MRC1: variants seen among roughly 807,000 people sequenced by gnomAD.
The protein encoded by MRC1 is macrophage mannose receptor 1.
A neutral mutation model predicts 102.9 loss-of-function variants in MRC1; 62 were observed. That is an observed-to-expected ratio of 0.60 (90% CI 0.49 to 0.74). MRC1 has a LOEUF of 0.74. Ranked by LOEUF, MRC1 falls within the 30% of genes least tolerant of loss-of-function variation. MRC1 has a pLI of 0.00. For missense variants in MRC1, 1,237 were observed against 862.8 expected, an observed-to-expected ratio of 1.43 and a Z score of -5.43; for synonymous variants, 457 against 298.4, an observed-to-expected ratio of 1.53 and a Z score of -5.48.
chr10:17,853,529 C>A (rs1589178949), intron 8 of MRC1, among the ~76,000 whole-genome samples: 2 of 149,184 alleles, frequency 1.3e-5, no homozygotes, highest in African/African-American at 2.5e-5. Context: ...TTATTATAAG[C>A]CATATATATG....
chr10:17,859,565 G>A (rs1564618657), intron 9 of MRC1, among the ~76,000 whole-genome samples: 2 of 152,176 alleles, frequency 1.3e-5, no homozygotes, highest in East Asian at 3.9e-4. Flanking sequence ...TGACCCACCT[G>A]CTTCGTCCTT....
In MRC1 at chr10:17,901,031, A is replaced by G. The variant is rs1833822647; in HGVS notation, c.3649+78A>G. 10 of 733,164 alleles carry G rather than the reference A, an allele frequency of 1.4e-5. No individual in the cohort carries two copies. In the South Asian group the frequency reaches 1.6e-4, roughly 11 times the overall value. The allele number at this position is 733,164 out of a possible 1,614,324, so 45.4% of individuals were successfully genotyped here. A position where few individuals can be genotyped will look rare whatever the true frequency, so the allele number is the denominator to read the frequency against. ...ACTACATACCACTGTTGATATTATT[A>G]AACAGTAATGTGTCTTGGATAGCTA... is the stretch of plus-strand genomic sequence containing the variant. On this transcript the variant is annotated intron_variant, in intron 25 of 29. Transcript: ENST00000569591.
Position 17,870,379 on chromosome 10 carries a change from T to G in MRC1, c.2111+6T>G, listed in dbSNP as rs1478844896. The G allele has an allele frequency of 5.1e-6, 4 of 780,100 alleles. No individual in the cohort carries two copies. Among genetic ancestry groups the G allele is most frequent in the Non-Finnish European group, 9.6e-6 (4 of 417,588 alleles). The allele number at this position is 780,100 out of a possible 1,614,324, so 48.3% of individuals were successfully genotyped here. ...ACAATATGGCGATTAATAACGTAAG[T>G]GGTATTTTTATGGATTCCTCCTTTT... On this transcript the variant is annotated splice_donor_region_variant and intron_variant, in intron 13 of 29. Coordinates refer to ENST00000569591, the MANE Select transcript of MRC1 (RefSeq NM_002438.4).
chr10:17,908,416 A>T (rs1833924770), intron 28 of MRC1, among the ~76,000 whole-genome samples: 2 of 151,946 alleles, frequency 1.3e-5, no homozygotes, highest in Admixed American at 6.6e-5. Context: ...CTGGGATTAC[A>T]GGAGCATGCC....
chr10:17,819,453 A>ATGTGTG (rs59778334), intron 1 of MRC1, among the ~76,000 whole-genome samples: 3,147 of 145,728 alleles, frequency 0.022, 100 homozygotes, highest in African/African-American at 0.075. Flanking sequence ...TCAGAGTTGT[A>ATGTGTG]TGTGTGTGTG....
At chr10:17,865,051 TA>T (rs1248043708) in intron 11 of MRC1, among the ~76,000 whole-genome samples, 1 of 152,188 alleles carries the variant, frequency 6.6e-6, no homozygotes, top group Non-Finnish European at 1.5e-5. Flanking sequence ...TTTGACTTTT[TA>T]TACAGTGATA....
chr10:17,902,006 G>A lies in MRC1; in HGVS notation c.3683G>A (p.Gly1228Asp), dbSNP rs1221789090. The change falls in exon 26 of 30, where the codon GGC becomes GAC. Residue 1228 changes from glycine to aspartate, a missense_variant. Physicochemically the swap from Gly to Asp is moderately conservative, Grantham distance 94 (BLOSUM62 -1). Coordinates refer to ENST00000569591, the MANE Select transcript of MRC1 (RefSeq NM_002438.4). The part of the protein sequence containing the change: ...IPATEPPQLP[G>D]RCPESDHTAW... ...GCTACTGAACCCCCACAACTGCCTG[G>A]CAGATGCCCGGAGTCAGATCACACA... The A allele has an allele frequency of 3.8e-6, 3 of 780,618 alleles. No individual in the cohort carries two copies. The highest frequency in any genetic ancestry group is 3.4e-5 in the African/African-American group (2 of 59,094). The allele number at this position is 780,618 out of a possible 1,614,324, so 48.4% of individuals were successfully genotyped here.
rs1000330271 is a variant in MRC1 at position 17,891,511 on chromosome 10, A to C, written c.3148-2699A>C. On this transcript the variant is annotated intron_variant, in intron 22 of 29. Transcript: ENST00000569591. ...TACAGTGTAATAATAACAGCAGTAAAGTGCATAATAAGCGTAATGCGTTTG... is the reference window on the plus strand; with the variant it reads ...TACAGTGTAATAATAACAGCAGTAACGTGCATAATAAGCGTAATGCGTTTG... Among the ~76,000 whole-genome samples, 35 of 152,294 alleles carry C rather than the reference A, an allele frequency of 2.3e-4. 1 individual carries two copies. Among genetic ancestry groups the C allele is most frequent in the East Asian group, 1.2e-3 (6 of 5,170 alleles).
intron 1 of MRC1, among the ~76,000 whole-genome samples, chr10:17,816,811 G>T (rs1382378861): frequency 6.6e-6 from 1 of 152,040 alleles, no homozygotes; most frequent in Non-Finnish European, 1.5e-5. Flanking sequence ...TGATAGTCAG[G>T]AAAATCTAAA....
chr10:17,843,278 G>A (rs1047428950), intron 5 of MRC1, among the ~76,000 whole-genome samples: 33 of 152,248 alleles, frequency 2.2e-4, no homozygotes, highest in African/African-American at 6.7e-4. Context: ...TGTTAGTTCA[G>A]TTATCCTGTT....
At chr10:17,838,420 G>C (rs1223676286) in intron 4 of MRC1, among the ~76,000 whole-genome samples, 3 of 152,072 alleles carry the variant, frequency 2.0e-5, no homozygotes, top group Non-Finnish European at 4.4e-5. Flanking sequence ...TCCTGAATCA[G>C]ATTTGTGGCT....
At chr10:17,894,380 TTCTTTCTTTCTTTC>T in intron 23 of MRC1, 68 bp downstream of exon 23, 1 of 724,426 alleles carries the variant, frequency 1.4e-6, no homozygotes, top group East Asian at 2.6e-5. Context: ...TTTTCTTTCT[TTCTTTCTTTCTTTC>T]TTTTTTTTTT....
In MRC1 at chr10:17,849,674, G is replaced by T. The variant is rs781920426; in HGVS notation, c.1159G>T (p.Ala387Ser). ...HRDEKKIQRDALTTCRKEGGD... is the reference protein window; with the variant it reads ...HRDEKKIQRDSLTTCRKEGGD... ...AGATGAGAAAAAAATCCAGAGGGAT[G>T]CTCTGACCACCTGCAGGAAGGAAGG... The change falls in exon 7 of 30, where the codon GCT becomes TCT. Residue 387 changes from alanine to serine, a missense_variant. Ala to Ser is a moderately conservative substitution (Grantham distance 99). Coordinates refer to ENST00000569591, the MANE Select transcript of MRC1 (RefSeq NM_002438.4). 4 of 780,884 alleles carry T rather than the reference G, an allele frequency of 5.1e-6. No individual in the cohort carries two copies. The East Asian group carries it at 9.7e-5, about 19-fold the overall frequency. 48.4% of individuals were successfully genotyped at this position (780,884 alleles called of 1,614,324 possible).
In MRC1 at chr10:17,829,472, T is replaced by A. The variant is rs968661562; in HGVS notation, c.637+1757T>A. Among the ~76,000 whole-genome samples the A allele has an allele frequency of 9.9e-5, 15 of 151,620 alleles. No individual in the cohort carries two copies. The East Asian group carries it at 1.9e-3, about 19-fold the overall frequency. Reference sequence around the variant, plus strand: ...ATAGGCTTTCTGTTCATAGCGACACTGCTGCCTCGGTCTTAACTGAGGTAG... The same window carrying A: ...ATAGGCTTTCTGTTCATAGCGACACAGCTGCCTCGGTCTTAACTGAGGTAG... On this transcript the variant is annotated intron_variant, in intron 3 of 29. Coordinates refer to ENST00000569591, the MANE Select transcript of MRC1 (RefSeq NM_002438.4).
Position 17,853,105 on chromosome 10 carries a change from G to A in MRC1, c.1388G>A (p.Cys463Tyr). The part of the protein sequence containing the change: ...PSHENNRQED[C>Y]VVMKGKDGYW... ...CATGAAAACAACAGACAGGAGGATT[G>A]TGTGGTGATGAAAGGCAAGGTAAGG... Residue 463 changes from cysteine to tyrosine, a missense_variant, in exon 8 of 30, where the codon TGT (cysteine) becomes TAT (tyrosine). Cys to Tyr is a radical substitution (Grantham distance 194). Coordinates refer to ENST00000569591, the MANE Select transcript of MRC1 (RefSeq NM_002438.4). 1.3e-6 allele frequency: 1 copy of A among 780,876 alleles called. No homozygotes were observed. Among genetic ancestry groups the A allele is most frequent in the Non-Finnish European group, 2.4e-6 (1 of 417,954 alleles). The allele number at this position is 780,876 out of a possible 1,614,324, so 48.4% of individuals were successfully genotyped here.
At chr10:17,839,596 C>T (rs984321370) in intron 4 of MRC1, among the ~76,000 whole-genome samples, 30 of 152,134 alleles carry the variant, frequency 2.0e-4, no homozygotes, top group African/African-American at 6.7e-4. Context: ...AACGCTTGGA[C>T]CCAGGAGTTG....
chr10:17,910,427 G>A lies in MRC1; in HGVS notation c.4333G>A (p.Val1445Met), dbSNP rs1296983477. 9 of 780,648 alleles carry A rather than the reference G, an allele frequency of 1.2e-5. No individual in the cohort carries two copies. The highest frequency in any genetic ancestry group is 1.7e-5 in the Admixed American group (1 of 58,990). The allele number at this position is 780,648 out of a possible 1,614,324, so 48.4% of individuals were successfully genotyped here. A position where few individuals can be genotyped will look rare whatever the true frequency, so the allele number is the denominator to read the frequency against. Residue 1445 changes from valine (V) to methionine (M), a missense_variant, in exon 30 of 30, where the codon GTG becomes ATG. Physicochemically the swap from Val to Met is conservative, Grantham distance 21 (BLOSUM62 1). Coordinates refer to ENST00000569591, the MANE Select transcript of MRC1 (RefSeq NM_002438.4). ...AGGAACTAGTGATATGAAAGATCTC[G>A]TGGGCAATATTGAACAGAATGAACA... ...SPGTSDMKDL[V>M]GNIEQNEHSV...
At chr10:17,843,768 A>C (rs1387229293) in intron 5 of MRC1, among the ~76,000 whole-genome samples, 1 of 152,246 alleles carries the variant, frequency 6.6e-6, no homozygotes, top group Admixed American at 6.5e-5. Context: ...CACACAAAGA[A>C]TACCACCAAA....
Position 17,910,362 on chromosome 10 carries a change from C to G in MRC1, c.4268C>G (p.Ala1423Gly). 3.8e-6 allele frequency: 3 copies of G among 780,626 alleles called. No homozygotes were observed. The highest frequency in any genetic ancestry group is 3.4e-5 in the Admixed American group (2 of 58,986). The allele number at this position is 780,626 out of a possible 1,614,324, so 48.4% of individuals were successfully genotyped here. ...CGTGTGCACCTACCTCAAGAGGGCG[C>G]CTTTGAAAACACTCTGTATTTTAAC... ...KRRVHLPQEG[A>G]FENTLYFNSQ... Residue 1423 changes from alanine (A) to glycine (G), a missense_variant, in exon 30 of 30, where the codon GCC (alanine) becomes GGC (glycine). Coordinates refer to ENST00000569591, the MANE Select transcript of MRC1 (RefSeq NM_002438.4).
Sources: gnomAD v4.1 joint callset for allele counts (sites outside exome capture counted in the v4.1 genomes callset) on GRCh38, gnomAD v4.1.1 for gene constraint, MANE v1.5 for transcripts, NCBI Gene and HGNC (gene_info 2026-07-23, HGNC 2026-07-21) for gene names.